The following ZBTB48 variants were observed in gnomAD, a reference collection of about 807,000 sequenced individuals.
The protein encoded by ZBTB48 is zinc finger and BTB domain containing 48, also known as zinc finger and BTB domain-containing protein 48.
A neutral mutation model predicts 64.5 loss-of-function variants in ZBTB48; 35 were observed. The observed-to-expected ratio is 0.54, with a 90% confidence interval of 0.41 to 0.72. The LOEUF (loss-of-function observed/expected upper bound fraction) is 0.72, where lower values mean the gene tolerates loss of function less well. Among genes scored for constraint, ZBTB48 ranks in the 30% least tolerant of loss-of-function variants. The pLI, the probability that ZBTB48 is intolerant of heterozygous loss-of-function variation, is 0.00. For missense variants in ZBTB48, 828 were observed against 895.3 expected (o/e 0.92, Z 0.96); for synonymous variants, 442 against 356.7 (o/e 1.24, Z -2.70).
At chr1:6,583,796 T>C (rs1640560753) in intron 3 of ZBTB48, among the ~76,000 whole-genome samples, 1 of 100,534 alleles carries the variant, frequency 9.9e-6, no homozygotes, top group Non-Finnish European at 2.1e-5. Flanking sequence ...TTTTTTTTTT[T>C]GAGATGGAGT....
chr1:6,586,551 T>G, intron 4 of ZBTB48, 144 bp from the exon 5 acceptor site: 1 of 1,414,824 alleles, frequency 7.1e-7, no homozygotes, highest in Non-Finnish European at 9.2e-7. Context: ...GCCAGGCAGG[T>G]TATGTGTTGC....
Position 6,588,707 on chromosome 1 carries a change from G to A in ZBTB48, c.1682-49G>A, listed in dbSNP as rs750710089. 6.8e-6 allele frequency: 11 copies of A among 1,612,438 alleles called. No individual in the cohort carries two copies. The East Asian group carries it at 1.1e-4, about 16-fold the overall frequency. On this transcript the variant is annotated intron_variant, in intron 9 of 10. Coordinates refer to ENST00000377674, the MANE Select transcript of ZBTB48 (RefSeq NM_005341.4). ...CCAACCTCCTGCTGGGTTTCCTCGAGGGTCCCGGGGCTCCTGCATGATCCC... is the reference window on the plus strand; with the variant it reads ...CCAACCTCCTGCTGGGTTTCCTCGAAGGTCCCGGGGCTCCTGCATGATCCC...
chr1:6,588,288 C>T lies in ZBTB48; in HGVS notation c.1527C>T (p.Asp509=), dbSNP rs549662313. 1 of 1,608,012 alleles carries T rather than the reference C, an allele frequency of 6.2e-7. No individual in the cohort carries two copies. Among genetic ancestry groups the T allele is most frequent in the South Asian group, 1.1e-5 (1 of 90,836 alleles). ...GKTFRTQASL[D]KHNRTHTGER... ...GCCTTGTGCCTGCAGCCAGCCTGGA[C>T]AAGCACAACCGCACCCACACCGGGG... The change falls in exon 9 of 11, where the codon GAC becomes GAT. Residue 509 remains aspartate (D), a synonymous_variant. Transcript: ENST00000377674.
At chr1:6,588,542 C>T (rs1005499268) in intron 9 of ZBTB48, 100 bp downstream of exon 9, 299 of 1,449,160 alleles carry the variant, frequency 2.1e-4, no homozygotes, top group Non-Finnish European at 2.5e-4. Context: ...TCTTTTGTGC[C>T]CCACATGGTT....
intron 2 of ZBTB48, 104 bp downstream of exon 2, chr1:6,581,403 T>A: frequency 7.7e-7 from 1 of 1,300,112 alleles, no homozygotes; most frequent in Non-Finnish European, 1.0e-6. Context: ...CACTCACGCC[T>A]GTAATCCTAG....
intron 3 of ZBTB48, among the ~76,000 whole-genome samples, chr1:6,583,452 C>T (rs1640544827): frequency 6.6e-6 from 1 of 151,884 alleles, no homozygotes; most frequent in Non-Finnish European, 1.5e-5. Flanking sequence ...AGGTGCCTGC[C>T]ACCACGCCTG....
chr1:6,580,918 A>C lies in ZBTB48; in HGVS notation c.309A>C (p.Arg103=). 2 of 1,614,072 alleles carry C rather than the reference A, an allele frequency of 1.2e-6. No individual in the cohort carries two copies. The highest frequency in any genetic ancestry group is 1.7e-6 in the Non-Finnish European group (2 of 1,180,032). ...DQVLLAAREL[R]VPEAVELCQS... Reference sequence around the variant, plus strand: ...TGCTCCTGGCAGCCAGGGAGTTGCGAGTGCCAGAGGCCGTAGAGCTGTGCC... The same window carrying C: ...TGCTCCTGGCAGCCAGGGAGTTGCGCGTGCCAGAGGCCGTAGAGCTGTGCC... The change falls in exon 2 of 11, where the codon CGA becomes CGC. Residue 103 remains arginine, a synonymous_variant. Coordinates refer to ENST00000377674, the MANE Select transcript of ZBTB48 (RefSeq NM_005341.4). The surrounding 1 kb of genome is among the most constrained non-coding windows in gnomAD (Gnocchi z 5.2).
intron 3 of ZBTB48, among the ~76,000 whole-genome samples, chr1:6,583,315 T>G (rs2148687326): frequency 6.6e-6 from 1 of 151,616 alleles, no homozygotes; most frequent in Non-Finnish European, 1.5e-5. Flanking sequence ...TTATTTTATT[T>G]TTTTGAGACG....
intron 3 of ZBTB48, among the ~76,000 whole-genome samples, chr1:6,583,230 C>A (rs1640533471): frequency 1.3e-5 from 2 of 152,180 alleles, no homozygotes; most frequent in Admixed American, 6.5e-5. Context: ...ACCTTGTGAT[C>A]CACCCGCCTT....
chr1:6,582,337 C>T (rs765327009), intron 3 of ZBTB48, 38 bp downstream of exon 3: 6 of 1,594,314 alleles, frequency 3.8e-6, no homozygotes, highest in Non-Finnish European at 4.3e-6. Context: ...TTCCTGTCTG[C>T]CATTCCCACG....
rs921055127 is a variant in ZBTB48, at chr1:6,585,718, C to T, written c.933-201C>T. 1.0e-5 allele frequency: 6 copies of T among 590,030 alleles called. No individual in the cohort carries two copies. In the African/African-American group the frequency reaches 1.1e-4, roughly 11 times the overall value. 36.5% of individuals were successfully genotyped at this position (590,030 alleles called of 1,614,324 possible). A position where few individuals can be genotyped will look rare whatever the true frequency, so the allele number is the denominator to read the frequency against. Reference sequence around the variant, plus strand: ...CAGATCCATGGCAGCCTCTTAGGACCTGTGTGAGCTTCTTGCCACTGCACT... The same window carrying T: ...CAGATCCATGGCAGCCTCTTAGGACTTGTGTGAGCTTCTTGCCACTGCACT... On this transcript the variant is annotated intron_variant, in intron 3 of 10. Transcript: ENST00000377674.
chr1:6,581,192 C>T lies in ZBTB48; in HGVS notation c.583C>T (p.Gln195Ter). 1.2e-6 allele frequency: 2 copies of T among 1,613,456 alleles called. No individual in the cohort carries two copies. Among genetic ancestry groups the T allele is most frequent in the Non-Finnish European group, 1.7e-6 (2 of 1,180,010 alleles). Residue 195 changes from glutamine (Q) to a stop codon, truncating the protein, a stop_gained, in exon 2 of 11, where the codon CAG becomes TAG. Transcript: ENST00000377674. LOFTEE classifies it high-confidence loss of function. ...GPSSLCGKLK[Q>*]ALKPCPLEDK... ...CTCCTCCCTCTGTGGGAAACTGAAG[C>T]AGGCCTTGAAGCCTTGTCCCCTTGA...
intron 5 of ZBTB48, 100 bp from the exon 6 acceptor site, chr1:6,587,105 C>T: frequency 7.7e-7 from 1 of 1,297,718 alleles, no homozygotes; most frequent in Non-Finnish European, 1.1e-6. Flanking sequence ...AATCATCTCA[C>T]CGGGGCCTCC....
At position 6,588,191 on chromosome 1, in the gene ZBTB48, C is replaced by G; in HGVS notation, c.1511C>G (p.Thr504Ser). The G allele has an allele frequency of 6.2e-7, 1 of 1,614,100 alleles. No homozygotes were observed. Among genetic ancestry groups the G allele is most frequent in the South Asian group, 1.1e-5 (1 of 91,086 alleles). Residue 504 changes from threonine (T) to serine (S), a missense_variant, in exon 8 of 11, where the codon ACC becomes AGC. Transcript: ENST00000377674. Reference protein sequence around the residue: ...QCHLCGKTFRTQASLDKHNRT... With the variant: ...QCHLCGKTFRSQASLDKHNRT... ...CACCTCTGTGGCAAGACCTTCCGAA[C>G]CCAAGGTGAGGTACGCCCTGCCCCT...
At position 6,589,147 on chromosome 1, in the gene ZBTB48, G is replaced by C. The variant is rs369046270; in HGVS notation, c.2002G>C (p.Gly668Arg). 1.3e-6 allele frequency: 2 copies of C among 1,579,760 alleles called. No homozygotes were observed. The highest frequency in any genetic ancestry group is 1.7e-6 in the Non-Finnish European group (2 of 1,166,236). Residue 668 changes from glycine to arginine, a missense_variant, in exon 11 of 11, where the codon GGC (glycine) becomes CGC (arginine). Gly to Arg is a moderately radical substitution (Grantham distance 125). Transcript: ENST00000377674. ...ACTGTGTGCAGAGGAGAGCTTCACC[G>C]GCCCAGGTGTCCTGGAGCCCTCCCT... is the stretch of plus-strand genomic sequence containing the variant. The part of the protein sequence containing the change: ...QRLCAEESFT[G>R]PGVLEPSLII...
chr1:6,587,763 C>T (rs1391189976), intron 7 of ZBTB48, 131 bp downstream of exon 7: 1 of 1,430,680 alleles, frequency 7.0e-7, no homozygotes, highest in Non-Finnish European at 9.3e-7. Flanking sequence ...AATCTAGTGC[C>T]TACAGCCTCT....
At chr1:6,585,575 A>G (rs1011370226) in intron 3 of ZBTB48, 1 of 248,420 alleles carries the variant, frequency 4.0e-6, no homozygotes, top group Non-Finnish European at 8.2e-6. Flanking sequence ...GGATCTGGCC[A>G]TGGGTTTGAA....
rs201011491 is a variant in ZBTB48 at position 6,581,043 on chromosome 1, C to T, written c.434C>T (p.Pro145Leu). ...AATGTGAACAGCCACGTCAAGGAGC[C>T]GGCAGGCTTGGAAGAAGAGGAAGTT... is the stretch of plus-strand genomic sequence containing the variant. Reference protein sequence around the residue: ...SQNVNSHVKEPAGLEEEEVSR... With the variant: ...SQNVNSHVKELAGLEEEEVSR... The change falls in exon 2 of 11, where the codon CCG becomes CTG. Residue 145 changes from proline (P) to leucine (L), a missense_variant. Coordinates refer to ENST00000377674, the MANE Select transcript of ZBTB48 (RefSeq NM_005341.4). 9 of 1,613,188 alleles carry T rather than the reference C, an allele frequency of 5.6e-6. No homozygotes were observed. Among genetic ancestry groups the T allele is most frequent in the African/African-American group, 5.3e-5 (4 of 74,908 alleles).
rs1640432481 is a variant in ZBTB48, at chr1:6,581,087, G to C, written c.478G>C (p.Val160Leu). The change falls in exon 2 of 11, where the codon GTC becomes CTC. Residue 160 changes from valine to leucine, a missense_variant. Coordinates refer to ENST00000377674, the MANE Select transcript of ZBTB48 (RefSeq NM_005341.4). ...GGAAGTTTCGAGGACTCTGGGTCTA[G>C]TCCCCAGGGATCAGGAGCCCAGAGG... ...EEEVSRTLGL[V>L]PRDQEPRGSH... The C allele has an allele frequency of 6.2e-7, 1 of 1,613,098 alleles. No individual in the cohort carries two copies. Among genetic ancestry groups the C allele is most frequent in the Non-Finnish European group, 8.5e-7 (1 of 1,179,900 alleles).
Sources: allele counts gnomAD v4.1 joint callset (sites outside exome capture counted in the v4.1 genomes callset), GRCh38; gene constraint gnomAD v4.1.1; non-coding constraint Gnocchi (gnomAD v3.1); transcripts MANE v1.5; gene names NCBI Gene and HGNC (gene_info 2026-07-23, HGNC 2026-07-21).